Variants in ARHGAP45 observed in about 807,000 individuals in gnomAD.
The protein encoded by ARHGAP45 is rho GTPase-activating protein 45.
In ARHGAP45, 56 loss-of-function variants were observed where a neutral mutation model predicts 116.1. The ratio of observed to expected loss-of-function variants is 0.48; its 90% CI spans 0.39 to 0.60. ARHGAP45 has a LOEUF of 0.60. Ranked by LOEUF, ARHGAP45 falls within the 20% of genes least tolerant of loss-of-function variation. The pLI, the probability that ARHGAP45 is intolerant of heterozygous loss-of-function variation, is 0.00. For synonymous variants in ARHGAP45, 866 were observed against 701.7 expected (o/e 1.23, Z -3.70); for missense variants, 1,622 against 1,601.0 (o/e 1.01, Z -0.22).
chr19:1,079,869 G>A (rs770837389), intron 12 of ARHGAP45, 29 bp downstream of exon 12: 7 of 1,593,146 alleles, frequency 4.4e-6, no homozygotes, highest in South Asian at 1.1e-5. Context: ...CCGCCCGGGC[G>A]GGGATGGTGG....
intron 10 of ARHGAP45, among the ~76,000 whole-genome samples, chr19:1,075,794 T>G (rs1444205594): frequency 6.6e-6 from 1 of 152,170 alleles, no homozygotes. Flanking sequence ...TTTTGTATTT[T>G]TTGTATACTC....
In ARHGAP45 at chr19:1,077,853, A is replaced by G; in HGVS notation, c.1186-4A>G. 6.4e-7 allele frequency: 1 copy of G among 1,552,520 alleles called. No homozygotes were observed. The highest frequency in any genetic ancestry group is 8.7e-7 in the Non-Finnish European group (1 of 1,147,792). On this transcript the variant is annotated splice_polypyrimidine_tract_variant and splice_region_variant and intron_variant, in intron 10 of 22. Transcript: ENST00000313093. ...AACTGGCCTCCTGGCTCCCACACCC[A>G]CAGCAAGAGGCGGAGTCCAACCTGC... is the stretch of plus-strand genomic sequence containing the variant.
At chr19:1,084,743 G>A (rs771882237) in intron 22 of ARHGAP45, among the ~76,000 whole-genome samples, 9 of 152,152 alleles carry the variant, frequency 5.9e-5, no homozygotes, top group African/African-American at 9.7e-5. Flanking sequence ...GCCGAGTGCC[G>A]CATCTAGTTA....
intron 10 of ARHGAP45, among the ~76,000 whole-genome samples, chr19:1,076,153 A>C (rs2043242938): frequency 6.6e-6 from 1 of 152,188 alleles, no homozygotes; most frequent in Non-Finnish European, 1.5e-5. Context: ...CCCCTGTCTC[A>C]AGGATGCCTG....
At chr19:1,085,191 C>T (rs2043569968) in intron 22 of ARHGAP45, among the ~76,000 whole-genome samples, 1 of 152,162 alleles carries the variant, frequency 6.6e-6, no homozygotes, top group Admixed American at 6.5e-5. Context: ...CAAAGAGGAG[C>T]AAGTCACATC....
In ARHGAP45 at chr19:1,073,238, C is replaced by T. The variant is rs747125287; in HGVS notation, c.511C>T (p.Leu171=). 2 of 1,613,660 alleles carry T rather than the reference C, an allele frequency of 1.2e-6. No individual in the cohort carries two copies. Among genetic ancestry groups the T allele is most frequent in the South Asian group, 2.2e-5 (2 of 91,086 alleles). ...TCAGATCATCTCCAAGTACCCGCTG[C>T]TGAACACCGTGGAGACGCTCACCGC... ...MHQIISKYPL[L]NTVETLTAAG... The change falls in exon 3 of 23, where the codon CTG becomes TTG. Residue 171 remains leucine, a synonymous_variant. Coordinates refer to ENST00000313093, the MANE Select transcript of ARHGAP45 (RefSeq NM_012292.5).
intron 10 of ARHGAP45, 188 bp from the exon 11 acceptor site, chr19:1,077,659 TACAGACGTGA>T (rs2043289704): frequency 6.9e-7 from 1 of 1,450,178 alleles, no homozygotes; most frequent in South Asian, 1.4e-5. Flanking sequence ...GTGCTGGGAT[TACAGACGTGA>T]GCCACCGCGC....
rs1237648389 is a variant in ARHGAP45, at chr19:1,083,341, C to A, written c.2943C>A (p.Thr981=). Residue 981 remains threonine (T), a synonymous_variant, in exon 21 of 23, where the codon ACC becomes ACA. Transcript: ENST00000313093. ...TCTTCGAGGAGGAGCCGGAGGAGAC[C>A]CCCGGGGGCCAGGTGAGGGTGTGGG... ...GLVFEEEPEE[T]PGGQDESSNQ... The A allele has an allele frequency of 3.9e-6, 6 of 1,549,352 alleles. No individual in the cohort carries two copies. The highest frequency in any genetic ancestry group is 2.4e-5 in the East Asian group (1 of 41,592).
At chr19:1,084,650 G>A (rs554793099) in intron 22 of ARHGAP45, among the ~76,000 whole-genome samples, 14 of 152,188 alleles carry the variant, frequency 9.2e-5, no homozygotes, top group African/African-American at 2.7e-4. Flanking sequence ...TGCCTTTCCT[G>A]CAGGAGCCCG....
chr19:1,073,952 T>C lies in ARHGAP45; in HGVS notation c.728T>C (p.Met243Thr). The C allele has an allele frequency of 1.3e-6, 2 of 1,575,998 alleles. No homozygotes were observed. The highest frequency in any genetic ancestry group is 1.2e-5 in the South Asian group (1 of 86,546). The change falls in exon 6 of 23, where the codon ATG becomes ACG. Residue 243 changes from methionine (M) to threonine (T), a missense_variant. Met to Thr is a moderately conservative substitution (Grantham distance 81, BLOSUM62 -1). This residue lies in a region of ARHGAP45 where 1,334 missense variants were observed against 1,263.8 expected (regional missense o/e 1.06). Coordinates refer to ENST00000313093, the MANE Select transcript of ARHGAP45 (RefSeq NM_012292.5). ...ACCTGCGTCTCCGTCCTACAGTCCATGGAAAGCCTGTATGGACCGGGCAGT... is the reference window on the plus strand; with the variant it reads ...ACCTGCGTCTCCGTCCTACAGTCCACGGAAAGCCTGTATGGACCGGGCAGT... ...AVPPGDSSQS[M>T]ESLYGPGSEG...
chr19:1,073,009 T>G (rs2043168238), intron 2 of ARHGAP45, 140 bp from the exon 3 acceptor site: 1 of 1,037,394 alleles, frequency 9.6e-7, no homozygotes, highest in Non-Finnish European at 1.4e-6. Context: ...GGTCTCGAAA[T>G]GAGCCCCAGG....
chr19:1,079,865 G>A lies in ARHGAP45; in HGVS notation c.1512+25G>A, dbSNP rs183591702. 6.9e-6 allele frequency: 11 copies of A among 1,591,802 alleles called. No individual in the cohort carries two copies. In the East Asian group the frequency reaches 9.0e-5, roughly 13 times the overall value. ...GGTGCGTGGGGTGCTCCGGCCGCCC[G>A]GGCGGGGATGGTGGACCGGGCGGCC... On this transcript the variant is annotated intron_variant, in intron 12 of 22. Coordinates refer to ENST00000313093, the MANE Select transcript of ARHGAP45 (RefSeq NM_012292.5).
rs1466521434 is a variant in ARHGAP45 at position 1,073,088 on chromosome 19, T to C, written c.422-61T>C. Reference sequence around the variant, plus strand: ...ACAGGAGCTCTAAAGAGGGAGGAGGTGGACAGACTTTCCCTGGGACTGGGC... The same window carrying C: ...ACAGGAGCTCTAAAGAGGGAGGAGGCGGACAGACTTTCCCTGGGACTGGGC... On this transcript the variant is annotated intron_variant, in intron 2 of 22. Coordinates refer to ENST00000313093, the MANE Select transcript of ARHGAP45 (RefSeq NM_012292.5). The C allele has an allele frequency of 9.2e-6, 14 of 1,528,984 alleles. No individual in the cohort carries two copies. In the South Asian group the frequency reaches 1.1e-4, roughly 12 times the overall value. The allele number at this position is 1,528,984 out of a possible 1,614,324, so 94.7% of individuals were successfully genotyped here.
rs1384275628 is a variant in ARHGAP45 at position 1,071,587 on chromosome 19, G to C, written c.422-1562G>C. ...TGCGCCGGCCGCGCGCGGAGTGCCG[G>C]GTGCCCGGCTGGAAGGTCCCGAGAA... On this transcript the variant is annotated intron_variant, in intron 2 of 22. Coordinates refer to ENST00000313093, the MANE Select transcript of ARHGAP45 (RefSeq NM_012292.5). The surrounding 1 kb of genome is among the most constrained non-coding windows in gnomAD (Gnocchi z 4.6). 2 of 175,544 alleles carry C rather than the reference G, an allele frequency of 1.1e-5. No individual in the cohort carries two copies. Among genetic ancestry groups the C allele is most frequent in the African/African-American group, 4.8e-5 (2 of 41,740 alleles). 10.9% of individuals were successfully genotyped at this position (175,544 alleles called of 1,614,324 possible).
intron 10 of ARHGAP45, 28 bp from the exon 11 acceptor site, chr19:1,077,829 A>T: frequency 1.9e-6 from 3 of 1,551,036 alleles, no homozygotes; most frequent in Non-Finnish European, 2.6e-6. Flanking sequence ...TAGGGTTGGA[A>T]CTGGCCTCCT....
intron 19 of ARHGAP45, 114 bp from the exon 20 acceptor site, chr19:1,082,726 C>T (rs1490653729): frequency 1.4e-5 from 12 of 875,184 alleles, no homozygotes; most frequent in East Asian, 3.1e-5. Flanking sequence ...AACCCGAGCT[C>T]GGTGGGGTGT....
chr19:1,070,699 T>A (rs2043124277), intron 2 of ARHGAP45, among the ~76,000 whole-genome samples: 1 of 151,588 alleles, frequency 6.6e-6, no homozygotes, highest in Non-Finnish European at 1.5e-5. Context: ...CGCAGGCTGG[T>A]CTAGAACTCC....
intron 11 of ARHGAP45, among the ~76,000 whole-genome samples, chr19:1,079,291 A>T (rs2145060542): frequency 6.6e-6 from 1 of 151,996 alleles, no homozygotes; most frequent in East Asian, 1.9e-4. Flanking sequence ...ATATGAGGCC[A>T]GGAGTTCGAA....
Position 1,067,396 on chromosome 19 carries a change from G to C in ARHGAP45, c.-10G>C. ...GCCCGCCCCCTCGGGCTCCCGGCCG[G>C]GGCCCCATCATGTTCTCCAGGAAGA... On this transcript the variant is annotated 5_prime_UTR_variant, in exon 1 of 23. Coordinates refer to ENST00000313093, the MANE Select transcript of ARHGAP45 (RefSeq NM_012292.5). The C allele has an allele frequency of 6.4e-7, 1 of 1,566,086 alleles. No individual in the cohort carries two copies. The highest frequency in any genetic ancestry group is 8.6e-7 in the Non-Finnish European group (1 of 1,158,954).
Sources: gnomAD v4.1 joint callset for allele counts (sites outside exome capture counted in the v4.1 genomes callset) on GRCh38, gnomAD v4.1.1 for gene constraint, gnomAD v4.1.1 regional missense constraint, Gnocchi (gnomAD v3.1) non-coding constraint, MANE v1.5 for transcripts, NCBI Gene and HGNC (gene_info 2026-07-23, HGNC 2026-07-21) for gene names.